Variants in CDH17 observed in about 807,000 individuals in gnomAD.
CDH17 encodes cadherin 17.
Under a neutral mutation model 86.3 loss-of-function variants are expected in CDH17, and 67 were observed. The ratio of observed to expected loss-of-function variants is 0.78; its 90% CI spans 0.64 to 0.95. CDH17 has a LOEUF of 0.95. CDH17 is among the 40% of genes least tolerant of loss of function. The probability of loss-of-function intolerance (pLI) is 0.00; values close to 1 mark genes in which losing one functional copy is unlikely to be tolerated. For missense variants in CDH17, 993 were observed against 1,017.6 expected, an observed-to-expected ratio of 0.98 and a Z score of 0.33; for synonymous variants, 367 against 366.4, an observed-to-expected ratio of 1.00 and a Z score of -0.02.
intron 1 of CDH17, among the ~76,000 whole-genome samples, chr8:94,205,750 G>A (rs913508815): frequency 5.3e-5 from 8 of 151,922 alleles, no homozygotes; most frequent in Non-Finnish European, 8.8e-5. Context: ...CTCAACAAAT[G>A]CAAGCTAAGT....
chr8:94,193,274 T>C (rs537279879), intron 2 of CDH17, among the ~76,000 whole-genome samples: 24 of 152,368 alleles, frequency 1.6e-4, no homozygotes, highest in Non-Finnish European at 1.0e-4. Context: ...TTAAATAATT[T>C]AGCAGTGTGC....
chr8:94,147,140 A>G (rs1293189091), intron 14 of CDH17, among the ~76,000 whole-genome samples: 3 of 152,186 alleles, frequency 2.0e-5, no homozygotes, highest in Non-Finnish European at 4.4e-5. Context: ...ACACATCCAG[A>G]GTGAAGTTCT....
chr8:94,132,272 G>A (rs1377104531), intron 15 of CDH17, among the ~76,000 whole-genome samples: 2 of 152,154 alleles, frequency 1.3e-5, no homozygotes, highest in African/African-American at 4.8e-5. Flanking sequence ...CACAATGGTT[G>A]AACTAATTTA....
chr8:94,182,433 G>A (rs1692090715), intron 3 of CDH17, among the ~76,000 whole-genome samples: 2 of 152,146 alleles, frequency 1.3e-5, no homozygotes, highest in South Asian at 4.1e-4. Flanking sequence ...ATTACCAAGT[G>A]GAAATTATAC....
chr8:94,158,270 G>C (rs1312854873), intron 12 of CDH17, among the ~76,000 whole-genome samples: 1 of 152,056 alleles, frequency 6.6e-6, no homozygotes, highest in Non-Finnish European at 1.5e-5. Context: ...ATAAAGTAAG[G>C]ATGTGACAAA....
intron 17 of CDH17, among the ~76,000 whole-genome samples, chr8:94,130,080 T>C (rs1241884015): frequency 6.6e-6 from 1 of 152,202 alleles, no homozygotes; most frequent in East Asian, 1.9e-4. Context: ...CTGTACTGTC[T>C]AGCCAAGCAA....
In CDH17 at chr8:94,145,895, T is replaced by C. The variant is rs764082338; in HGVS notation, c.2167+33A>G. 1.9e-6 allele frequency: 3 copies of C among 1,597,360 alleles called. No individual in the cohort carries two copies. In the South Asian group the frequency reaches 3.4e-5, roughly 18 times the overall value. On this transcript the variant is annotated intron_variant, in intron 15 of 17. Coordinates refer to ENST00000027335, the MANE Select transcript of CDH17 (RefSeq NM_004063.4). ...ATAAAACCTACTTTCATCATCCATCTATGTTTTTTTCCATGTATTTCTGAC... is the reference window on the plus strand; with the variant it reads ...ATAAAACCTACTTTCATCATCCATCCATGTTTTTTTCCATGTATTTCTGAC...
At chr8:94,172,055 T>TC (rs1813281095) in intron 7 of CDH17, among the ~76,000 whole-genome samples, 1 of 140,056 alleles carries the variant, frequency 7.1e-6, no homozygotes, top group Admixed American at 7.4e-5. Flanking sequence ...TCTCTCTTTC[T>TC]CCCTCTCTCC....
At chr8:94,189,076 T>G in intron 3 of CDH17, 111 bp downstream of exon 3, 2 of 762,300 alleles carry the variant, frequency 2.6e-6, no homozygotes, top group Non-Finnish European at 4.5e-6. Flanking sequence ...TTCTTGATAA[T>G]GAGAATGCCA....
chr8:94,188,682 T>C (rs1041325791), intron 3 of CDH17, among the ~76,000 whole-genome samples: 2 of 152,170 alleles, frequency 1.3e-5, no homozygotes, highest in African/African-American at 2.4e-5. Context: ...TGTTCATGGT[T>C]ATCTAACTAA....
intron 15 of CDH17, among the ~76,000 whole-genome samples, chr8:94,140,613 A>C (rs912995808): frequency 1.3e-5 from 2 of 152,164 alleles, no homozygotes; most frequent in African/African-American, 2.4e-5. Flanking sequence ...TAAAACAAAA[A>C]CAGAAAAAAA....
chr8:94,197,469 A>C (rs764596349), intron 1 of CDH17: 1 of 152,238 alleles, frequency 6.6e-6, no homozygotes, highest in Non-Finnish European at 1.5e-5. Context: ...GTGGCTATGG[A>C]TATACTACTT....
chr8:94,158,500 A>G (rs1328265636), intron 12 of CDH17, among the ~76,000 whole-genome samples: 1 of 152,152 alleles, frequency 6.6e-6, no homozygotes, highest in Non-Finnish European at 1.5e-5. Flanking sequence ...ATCTTCCCTT[A>G]GATTCCTAGA....
chr8:94,128,272 G>A lies in CDH17; in HGVS notation c.2467C>T (p.Gln823Ter). Reference protein sequence around the residue: ...DKGKDNVESAQASEVKPLRS With the variant: ...DKGKDNVESA ...CTCAGAGGTTTGACTTCAGATGCTT[G>A]AGCACTTTCAACATTATCTTTGCCT... The change falls in exon 18 of 18, where the codon CAA becomes TAA. Residue 823 changes from glutamine (Q) to a stop codon, truncating the protein, a stop_gained. Coordinates refer to ENST00000027335, the MANE Select transcript of CDH17 (RefSeq NM_004063.4). LOFTEE classifies it high-confidence loss of function. 6.2e-7 allele frequency: 1 copy of A among 1,613,326 alleles called. No homozygotes were observed. The highest frequency in any genetic ancestry group is 2.2e-5 in the East Asian group (1 of 44,854).
chr8:94,133,598 T>C (rs1812463013), intron 15 of CDH17, among the ~76,000 whole-genome samples: 1 of 152,228 alleles, frequency 6.6e-6, no homozygotes, highest in East Asian at 1.9e-4. Flanking sequence ...TCATGTCATG[T>C]GCAAACAGGG....
chr8:94,203,958 CA>C (rs1442011359), intron 1 of CDH17, among the ~76,000 whole-genome samples: 1 of 152,170 alleles, frequency 6.6e-6, no homozygotes, highest in African/African-American at 2.4e-5. Flanking sequence ...GATTTACACA[CA>C]TGCAAAATTA....
upstream of CDH17, among the ~76,000 whole-genome samples, chr8:94,209,468 G>T (rs781134797): frequency 6.6e-6 from 1 of 152,166 alleles, no homozygotes; most frequent in African/African-American, 2.4e-5. Context: ...CTGACAGAGG[G>T]AAAGCAAGAG....
At chr8:94,134,078 C>T (rs1812473196) in intron 15 of CDH17, among the ~76,000 whole-genome samples, 1 of 152,096 alleles carries the variant, frequency 6.6e-6, no homozygotes, top group African/African-American at 2.4e-5. Flanking sequence ...TGAGGATTTT[C>T]ACATCGATGT....
At chr8:94,208,049 C>T (rs550225107) in intron 1 of CDH17, among the ~76,000 whole-genome samples, 1 of 152,340 alleles carries the variant, frequency 6.6e-6, no homozygotes, top group South Asian at 2.1e-4. Context: ...GAATCTCATT[C>T]TCTGAGAAGT....
Sources: allele counts gnomAD v4.1 joint callset (sites outside exome capture counted in the v4.1 genomes callset), GRCh38; gene constraint gnomAD v4.1.1; transcripts MANE v1.5; gene names NCBI Gene and HGNC (gene_info 2026-07-23, HGNC 2026-07-21).